The following PIBF1 variants were observed in gnomAD, a reference collection of about 807,000 sequenced individuals.
The protein encoded by PIBF1 is progesterone-induced-blocking factor 1.
PIBF1 carries 90 observed loss-of-function variants against 112.5 expected under a neutral mutation model. The observed-to-expected ratio is 0.80, with a 90% CI of 0.67 to 0.95. The LOEUF is 0.95. Among genes scored for constraint, PIBF1 ranks in the 40% least tolerant of loss-of-function variants. The pLI is 0.00. For synonymous variants in PIBF1, 301 were observed against 288.6 expected, an observed-to-expected ratio of 1.04 and a Z score of -0.44; for missense variants, 915 against 852.3, an observed-to-expected ratio of 1.07 and a Z score of -0.92.
At chr13:73,004,954 G>T (rs1322185959) in intron 17 of PIBF1, among the ~76,000 whole-genome samples, 2 of 152,178 alleles carry the variant, frequency 1.3e-5, no homozygotes, top group African/African-American at 2.4e-5. Context: ...GGAGGCCAAG[G>T]TGTGGGGATC....
At chr13:72,850,563 T>C (rs986237249) in intron 9 of PIBF1, among the ~76,000 whole-genome samples, 2 of 152,226 alleles carry the variant, frequency 1.3e-5, no homozygotes, top group African/African-American at 2.4e-5. Context: ...GGACTGAAGC[T>C]TCTCCATCTA....
intron 17 of PIBF1, among the ~76,000 whole-genome samples, chr13:73,014,560 T>C (rs776578006): frequency 2.6e-5 from 4 of 152,196 alleles, no homozygotes; most frequent in Non-Finnish European, 5.9e-5. Flanking sequence ...ATGTAAACTG[T>C]GGACCTAGGG....
At chr13:72,803,418 T>A (rs750084409) in intron 5 of PIBF1, among the ~76,000 whole-genome samples, 1 of 152,154 alleles carries the variant, frequency 6.6e-6, no homozygotes, top group Non-Finnish European at 1.5e-5. Context: ...GTTATAGTTA[T>A]GTTTAAGGCT....
At position 72,908,667 on chromosome 13, in the gene PIBF1, T is replaced by C. The variant is rs1198776431; in HGVS notation, c.1625T>C (p.Met542Thr). 1.2e-6 allele frequency: 2 copies of C among 1,611,938 alleles called. No homozygotes were observed. The highest frequency in any genetic ancestry group is 1.3e-5 in the African/African-American group (1 of 74,740). The change falls in exon 12 of 18, where the codon ATG (methionine) becomes ACG (threonine). Residue 542 changes from methionine (M) to threonine (T), a missense_variant. Transcript: ENST00000326291. ...GAAAAAGAGCTTGATGAAATAATAATGCAAACTGCAGAAAGTAAGTCTTCC... is the reference window on the plus strand; with the variant it reads ...GAAAAAGAGCTTGATGAAATAATAACGCAAACTGCAGAAAGTAAGTCTTCC... Reference protein sequence around the residue: ...KLEKELDEIIMQTAEIENEDE... With the variant: ...KLEKELDEIITQTAEIENEDE...
intron 10 of PIBF1, among the ~76,000 whole-genome samples, chr13:72,883,740 A>T (rs2039735192): frequency 6.6e-6 from 1 of 152,174 alleles, no homozygotes; most frequent in South Asian, 2.1e-4. Context: ...CGCCCACCTC[A>T]GCCTCCCAAA....
chr13:72,995,472 C>T (rs1246381802), intron 16 of PIBF1, among the ~76,000 whole-genome samples: 1 of 151,932 alleles, frequency 6.6e-6, no homozygotes, highest in African/African-American at 2.4e-5. Context: ...TTTTAAAGTC[C>T]ATAAATAAAT....
At chr13:72,959,604 C>A (rs892141017) in intron 14 of PIBF1, among the ~76,000 whole-genome samples, 2 of 152,172 alleles carry the variant, frequency 1.3e-5, no homozygotes, top group African/African-American at 2.4e-5. Flanking sequence ...AGGAAAAAAA[C>A]TCCACATGTA....
intron 16 of PIBF1, among the ~76,000 whole-genome samples, chr13:72,984,310 G>C (rs901397957): frequency 3.9e-5 from 6 of 152,124 alleles, no homozygotes; most frequent in Non-Finnish European, 8.8e-5. Context: ...TTAGGAACCA[G>C]TTACAAATTA....
At chr13:72,817,502 A>G (rs1319916070) in intron 5 of PIBF1, among the ~76,000 whole-genome samples, 1 of 152,136 alleles carries the variant, frequency 6.6e-6, no homozygotes, top group Non-Finnish European at 1.5e-5. Flanking sequence ...CTCCTCTTCC[A>G]CAGACATTAA....
At chr13:72,904,433 C>CTTTTTTTTTTGTTTTTTTTTTTTTTTT (rs2040612075) in intron 11 of PIBF1, among the ~76,000 whole-genome samples, 1 of 36,560 alleles carries the variant, frequency 2.7e-5, no homozygotes, top group African/African-American at 1.1e-4. Flanking sequence ...CAAAATATTT[C>CTTTTTTTTTTGTTTTTTTTTTTTTTTT]TTTTTTTTTT....
intron 11 of PIBF1, among the ~76,000 whole-genome samples, chr13:72,896,102 A>C (rs2040272331): frequency 1.3e-5 from 2 of 152,136 alleles, no homozygotes; most frequent in Admixed American, 1.3e-4. Flanking sequence ...CATGATGGAG[A>C]GACCCATAGA....
intron 15 of PIBF1, among the ~76,000 whole-genome samples, chr13:72,966,823 C>T (rs755593005): frequency 2.0e-5 from 3 of 151,932 alleles, no homozygotes; most frequent in South Asian, 2.1e-4. Flanking sequence ...ACAGGAGAAT[C>T]GCTTGAACCG....
chr13:72,880,699 A>C (rs1052433008), intron 10 of PIBF1, among the ~76,000 whole-genome samples: 2 of 152,218 alleles, frequency 1.3e-5, no homozygotes, highest in Non-Finnish European at 1.5e-5. Context: ...TATAAAAATA[A>C]ATACTTAAAG....
chr13:72,857,604 C>T (rs113472485), intron 10 of PIBF1, among the ~76,000 whole-genome samples: 2,414 of 152,212 alleles, frequency 0.016, 67 homozygotes, highest in African/African-American at 0.054. Flanking sequence ...TTTGGGAGGC[C>T]GAGTTGGTTG....
intron 15 of PIBF1, among the ~76,000 whole-genome samples, chr13:72,969,199 A>G (rs988762066): frequency 1.3e-5 from 2 of 152,206 alleles, no homozygotes; most frequent in South Asian, 2.1e-4. Context: ...AGTACTTACC[A>G]TACATGTAAC....
At chr13:72,811,172 T>G (rs1423741599) in intron 5 of PIBF1, among the ~76,000 whole-genome samples, 1 of 152,216 alleles carries the variant, frequency 6.6e-6, no homozygotes. Context: ...AACCTCAATT[T>G]TTAATAAACA....
At chr13:72,973,877 T>C in intron 16 of PIBF1, 5 of 502,702 alleles carry the variant, frequency 9.9e-6, no homozygotes, top group Non-Finnish European at 1.8e-5. Flanking sequence ...CCCCTTCTTG[T>C]TGTGTTGATA....
intron 16 of PIBF1, among the ~76,000 whole-genome samples, chr13:72,981,375 A>G (rs1594311465): frequency 6.6e-6 from 1 of 152,084 alleles, no homozygotes; most frequent in Admixed American, 6.6e-5. Flanking sequence ...ATAGACATTA[A>G]AAGTACACAA....
intron 16 of PIBF1, among the ~76,000 whole-genome samples, chr13:72,980,777 C>T (rs1327999275): frequency 6.6e-6 from 1 of 150,876 alleles, no homozygotes; most frequent in Non-Finnish European, 1.5e-5. Flanking sequence ...TGCACTCCAC[C>T]CTGGGTGACA....
Sources: allele counts gnomAD v4.1 joint callset (sites outside exome capture counted in the v4.1 genomes callset), GRCh38; gene constraint gnomAD v4.1.1; transcripts MANE v1.5; gene names NCBI Gene and HGNC (gene_info 2026-07-23, HGNC 2026-07-21).